SRRM3: variants seen among roughly 807,000 people sequenced by gnomAD.
SRRM3 encodes the protein serine/arginine repetitive matrix 3.
A neutral mutation model predicts 66.2 loss-of-function variants in SRRM3; 27 were observed. The observed-to-expected ratio is 0.41, with a 90% CI of 0.30 to 0.56. SRRM3 has a LOEUF of 0.56. Ranked by LOEUF, SRRM3 falls within the 20% of genes least tolerant of loss-of-function variation. SRRM3 has a pLI of 0.32. For synonymous variants in SRRM3, 391 were observed against 414.9 expected (o/e 0.94, Z 0.70); for missense variants, 918 against 991.9 (o/e 0.93, Z 1.00).
intron 3 of SRRM3, among the ~76,000 whole-genome samples, chr7:76,258,485 T>A (rs1005914899): frequency 6.1e-5 from 8 of 131,506 alleles, no homozygotes; most frequent in Non-Finnish European, 9.9e-5. Flanking sequence ...GAGGCCAAGG[T>A]GGGTGGATCA....
At chr7:76,256,548 C>A (rs1290252128) in intron 3 of SRRM3, among the ~76,000 whole-genome samples, 1 of 151,832 alleles carries the variant, frequency 6.6e-6, no homozygotes, top group African/African-American at 2.4e-5. Flanking sequence ...AGAGCAGCCC[C>A]GAGGGCTGCT....
chr7:76,282,785 G>C lies in SRRM3; in HGVS notation c.1508G>C (p.Arg503Pro), dbSNP rs1802560099. 4 of 1,465,776 alleles carry C rather than the reference G, an allele frequency of 2.7e-6. No homozygotes were observed. In the East Asian group the frequency reaches 9.2e-5, roughly 34 times the overall value. The allele number at this position is 1,465,776 out of a possible 1,614,324, so 90.8% of individuals were successfully genotyped here. A position where few individuals can be genotyped will look rare whatever the true frequency, so the allele number is the denominator to read the frequency against. ...GPHPRSWSSS[R>P]SPSKSRSRSA... Reference sequence around the variant, plus strand: ...CACCCCCGCTCCTGGAGCTCCAGCCGCTCGCCCTCCAAATCTCGCTCGCGC... The same window carrying C: ...CACCCCCGCTCCTGGAGCTCCAGCCCCTCGCCCTCCAAATCTCGCTCGCGC... Residue 503 changes from arginine to proline, a missense_variant, in exon 13 of 15, where the codon CGC becomes CCC. Physicochemically the swap from Arg to Pro is moderately radical, Grantham distance 103. Transcript: ENST00000611745.
At position 76,281,156 on chromosome 7, in the gene SRRM3, CTCTT is replaced by C. The variant is rs1325159709; in HGVS notation, c.1009-276_1009-273del. Among the ~76,000 whole-genome samples, 16 of 141,876 alleles carry C rather than the reference CTCTT, an allele frequency of 1.1e-4. 1 individual carries two copies. Among genetic ancestry groups the C allele is most frequent in the East Asian group, 5.9e-4 (3 of 5,066 alleles). 93.1% of individuals were successfully genotyped at this position (141,876 alleles called of 152,430 possible). ...TCTTCTCTGCCTCCTCCCTCTCTCC[CTCTT>C]TCTTTCTTCTCTCTGTCTTTCCTCT... is the stretch of plus-strand genomic sequence containing the variant. On this transcript the variant is annotated intron_variant, in intron 11 of 14. Transcript: ENST00000611745.
intron 11 of SRRM3, among the ~76,000 whole-genome samples, chr7:76,276,511 G>A (rs957188016): frequency 2.0e-5 from 3 of 152,158 alleles, no homozygotes; most frequent in Non-Finnish European, 4.4e-5. Context: ...TGGAAAAGGC[G>A]CCCTGGAGCT....
At chr7:76,264,071 C>T (rs1299848410) in intron 8 of SRRM3, among the ~76,000 whole-genome samples, 1 of 151,604 alleles carries the variant, frequency 6.6e-6, no homozygotes, top group Non-Finnish European at 1.5e-5. Context: ...TGTCCCAAGT[C>T]CAGTACCAAA....
At chr7:76,204,464 G>C (rs886081549) in intron 1 of SRRM3, among the ~76,000 whole-genome samples, 1 of 152,144 alleles carries the variant, frequency 6.6e-6, no homozygotes, top group Admixed American at 6.5e-5. Context: ...AGGCCTGAAG[G>C]TGTGATGGGA....
intron 2 of SRRM3, among the ~76,000 whole-genome samples, chr7:76,240,564 G>A (rs2117010221): frequency 6.7e-6 from 1 of 149,772 alleles, no homozygotes; most frequent in South Asian, 2.1e-4. Context: ...AGCTTGCAGT[G>A]AGCCGAGATT....
In SRRM3 at chr7:76,251,434, G is replaced by A. The variant is rs1801579577; in HGVS notation, c.335+3145G>A. ...CTGTCACCCAGGCTGGAGTGCAGTG[G>A]CGCAATCTCGGCTCACTGCAAGCTC... is the stretch of plus-strand genomic sequence containing the variant. On this transcript the variant is annotated intron_variant, in intron 3 of 14. Coordinates refer to ENST00000611745, the MANE Select transcript of SRRM3 (RefSeq NM_001110199.3). 2.0e-5 allele frequency among the ~76,000 whole-genome samples: 3 copies of A among 151,822 alleles called. No homozygotes were observed. The East Asian group carries it at 5.9e-4, about 30-fold the overall frequency.
At chr7:76,216,882 GC>G (rs1207579028) in intron 1 of SRRM3, among the ~76,000 whole-genome samples, 1 of 152,192 alleles carries the variant, frequency 6.6e-6, no homozygotes, top group Admixed American at 6.5e-5. Flanking sequence ...TGATGCTCCA[GC>G]CCCCAGCCCG....
Position 76,285,762 on chromosome 7 carries a change from C to T in SRRM3, c.1881C>T (p.Thr627=). Residue 627 remains threonine, a synonymous_variant, in exon 15 of 15, where the codon ACC becomes ACT. Transcript: ENST00000611745. The surrounding 1 kb of genome is among the most constrained non-coding windows in gnomAD (Gnocchi z 4.1). ...HGSYSSRSHG[T]RSRTRSPSRT... ...GCTACAGCAGTCGCAGCCATGGGAC[C>T]CGCAGCCGGACACGCAGCCCCTCGA... 1 of 1,550,910 alleles carries T rather than the reference C, an allele frequency of 6.4e-7. No homozygotes were observed. Among genetic ancestry groups the T allele is most frequent in the Non-Finnish European group, 8.7e-7 (1 of 1,147,024 alleles).
Position 76,235,210 on chromosome 7 carries a change from G to C in SRRM3, c.144G>C (p.Lys48Asn), listed in dbSNP as rs201997995. 199 of 1,552,140 alleles carry C rather than the reference G, an allele frequency of 1.3e-4. No homozygotes were observed. The African/African-American group carries it at 2.4e-3, about 19-fold the overall frequency. ...ELRAAEPGLV[K>N]RAHREILDHE... ...GCGCCGCGGAGCCGGGCCTGGTGAA[G>C]CGCGCGCACCGCGAGATCCTGGACC... The change falls in exon 2 of 15, where the codon AAG becomes AAC. Residue 48 changes from lysine to asparagine, a missense_variant. By Grantham distance (94) the Lys-to-Asn change is moderately conservative. Transcript: ENST00000611745.
Position 76,259,924 on chromosome 7 carries a change from G to A in SRRM3, c.354G>A (p.Arg118=), listed in dbSNP as rs782382986. 3 of 1,601,760 alleles carry A rather than the reference G, an allele frequency of 1.9e-6. No individual in the cohort carries two copies. The highest frequency in any genetic ancestry group is 1.3e-5 in the African/African-American group (1 of 75,006). The stretch of plus-strand genomic sequence containing the variant: ...CCGGCAGTGTGGCGGAGACCCCGCG[G>A]CTGACCGAGGGCGCTGAGCCGGGCC... The part of the protein sequence containing the change: ...PGGHIVAETP[R]LTEGAEPGLE... Residue 118 remains arginine, a synonymous_variant, in exon 4 of 15, where the codon CGG becomes CGA. Coordinates refer to ENST00000611745, the MANE Select transcript of SRRM3 (RefSeq NM_001110199.3).
intron 11 of SRRM3, among the ~76,000 whole-genome samples, chr7:76,278,124 T>C (rs932455613): frequency 6.6e-6 from 1 of 152,168 alleles, no homozygotes; most frequent in East Asian, 1.9e-4. Flanking sequence ...GGCTGCCTCC[T>C]GGAGTGGGGG....
rs144129124 is a variant in SRRM3 at position 76,206,771 on chromosome 7, T to G, written c.-40+4704T>G. ...AGAGCCTAAAGCCTCTGGCCTGTCC[T>G]TCTGCAGCGCTGCTTCCTCGGCAGC... is the stretch of plus-strand genomic sequence containing the variant. On this transcript the variant is annotated intron_variant, in intron 1 of 14. Transcript: ENST00000611745. 3.1e-3 allele frequency among the ~76,000 whole-genome samples: 469 copies of G among 152,196 alleles called. 3 individuals carry two copies. The highest frequency in any genetic ancestry group is 0.011 in the African/African-American group (437 of 41,534).
Position 76,272,861 on chromosome 7 carries a change from C to A in SRRM3, c.1008+5426C>A, listed in dbSNP as rs138193187. ...AAGGCACCCCCTGACCTGCCTTATA[C>A]AGGAACAGAAAAAGGCAAAAGGGAT... On this transcript the variant is annotated intron_variant, in intron 11 of 14. Transcript: ENST00000611745. Among the ~76,000 whole-genome samples, 206 of 152,182 alleles carry A rather than the reference C, an allele frequency of 1.4e-3. 10 individuals carry two copies. In the South Asian group the frequency reaches 0.038, roughly 28 times the overall value.
At chr7:76,265,827 T>TA (rs1554609489) in intron 10 of SRRM3, among the ~76,000 whole-genome samples, 2 of 33,012 alleles carry the variant, frequency 6.1e-5, no homozygotes, top group Non-Finnish European at 8.3e-5. Flanking sequence ...TTAATAAATA[T>TA]TTATATATAT....
chr7:76,265,819 A>T (rs1236467038), intron 10 of SRRM3, among the ~76,000 whole-genome samples: 1 of 83,282 alleles, frequency 1.2e-5, no homozygotes, highest in Non-Finnish European at 1.9e-5. Context: ...TTATATATTT[A>T]ATAAATATTT....
At chr7:76,227,200 T>C (rs1414137832) in intron 1 of SRRM3, among the ~76,000 whole-genome samples, 1 of 150,980 alleles carries the variant, frequency 6.6e-6, no homozygotes, top group Non-Finnish European at 1.5e-5. Context: ...TCTCAGCCAA[T>C]CAGTGGTAGG....
intron 11 of SRRM3, among the ~76,000 whole-genome samples, chr7:76,276,176 C>T (rs1554611114): frequency 6.6e-6 from 1 of 152,106 alleles, no homozygotes. Context: ...GAACAGGGCT[C>T]AGAGGCAGGC....
Sources: allele counts gnomAD v4.1 joint callset (sites outside exome capture counted in the v4.1 genomes callset), GRCh38; gene constraint gnomAD v4.1.1; non-coding constraint Gnocchi (gnomAD v3.1); transcripts MANE v1.5; gene names NCBI Gene and HGNC (gene_info 2026-07-23, HGNC 2026-07-21).